Variants in ASCC3 observed in about 807,000 individuals in gnomAD.
The protein encoded by ASCC3 is activating signal cointegrator 1 complex subunit 3, also known as ASC-1 complex subunit P200.
A neutral mutation model predicts 256.3 loss-of-function variants in ASCC3; 158 were observed. That is an observed-to-expected ratio of 0.62 (90% CI 0.54 to 0.70). The LOEUF (loss-of-function observed/expected upper bound fraction) is 0.70. ASCC3 is among the 30% of genes least tolerant of loss of function. The pLI is 0.00. For synonymous variants in ASCC3, 948 were observed against 883.4 expected (o/e 1.07, Z -1.30); for missense variants, 2,259 against 2,626.0 (o/e 0.86, Z 3.05).
intron 36 of ASCC3, among the ~76,000 whole-genome samples, chr6:100,589,047 A>C (rs1771852567): frequency 6.6e-6 from 1 of 152,160 alleles, no homozygotes; most frequent in South Asian, 2.1e-4. Flanking sequence ...ATTATGTAGA[A>C]GGAAAGGTGG....
At chr6:100,771,169 A>C (rs972071413) in intron 8 of ASCC3, among the ~76,000 whole-genome samples, 1 of 152,178 alleles carries the variant, frequency 6.6e-6, no homozygotes, top group Non-Finnish European at 1.5e-5. Flanking sequence ...CTGAAAGGCA[A>C]TGTAGATGAC....
chr6:100,667,178 G>C (rs1776517398), intron 14 of ASCC3, among the ~76,000 whole-genome samples: 1 of 152,182 alleles, frequency 6.6e-6, no homozygotes, highest in South Asian at 2.1e-4. Flanking sequence ...TTCCCTGAAT[G>C]AATGAATCAG....
intron 1 of ASCC3, 105 bp from the exon 2 acceptor site, chr6:100,868,143 A>T: frequency 1.5e-6 from 1 of 673,846 alleles, no homozygotes; most frequent in Non-Finnish European, 2.6e-6. Flanking sequence ...AATTGGTTAA[A>T]AAGCAATTGT....
At chr6:100,766,736 G>A (rs777619062) in intron 9 of ASCC3, 31 bp from the exon 10 acceptor site, 38 of 1,613,464 alleles carry the variant, frequency 2.4e-5, no homozygotes, top group South Asian at 1.1e-5. Context: ...CTTGATTAAT[G>A]AGCAAAAACT....
At chr6:100,767,110 A>T in intron 9 of ASCC3, 35 bp downstream of exon 9, 1 of 1,594,094 alleles carries the variant, frequency 6.3e-7, no homozygotes, top group East Asian at 2.2e-5. Context: ...TATTCCTTAC[A>T]ATTTAAAAAG....
intron 4 of ASCC3, among the ~76,000 whole-genome samples, chr6:100,810,529 C>A (rs937882847): frequency 6.6e-6 from 1 of 151,882 alleles, no homozygotes; most frequent in African/African-American, 2.4e-5. Flanking sequence ...AATTTTTAAC[C>A]CTTAAATAAG....
chr6:100,750,789 A>C (rs138089179), intron 10 of ASCC3, among the ~76,000 whole-genome samples: 117 of 152,112 alleles, frequency 7.7e-4, no homozygotes, highest in African/African-American at 2.6e-3. Context: ...GCCACAGGTA[A>C]AATCTGTAGT....
At chr6:100,670,098 C>T (rs556362521) in intron 14 of ASCC3, among the ~76,000 whole-genome samples, 17 of 151,774 alleles carry the variant, frequency 1.1e-4, no homozygotes, top group South Asian at 2.1e-4. Flanking sequence ...TAGTACACAA[C>T]GGGCCAAGAT....
chr6:100,767,909 C>G (rs1056693720), intron 8 of ASCC3, among the ~76,000 whole-genome samples: 3 of 151,986 alleles, frequency 2.0e-5, no homozygotes, highest in Non-Finnish European at 2.9e-5. Flanking sequence ...AGCCACCGCA[C>G]CCGGCCAGAA....
chr6:100,605,924 G>C (rs1772861593), intron 32 of ASCC3, among the ~76,000 whole-genome samples: 1 of 151,978 alleles, frequency 6.6e-6, no homozygotes, highest in African/African-American at 2.4e-5. Flanking sequence ...GAAAAACTGA[G>C]TCTTTGAAAG....
intron 37 of ASCC3, among the ~76,000 whole-genome samples, chr6:100,534,832 A>G (rs1023244211): frequency 6.6e-6 from 1 of 152,202 alleles, no homozygotes; most frequent in African/African-American, 2.4e-5. Flanking sequence ...TACTACAACT[A>G]TGTTTTTCTT....
At position 100,706,451 on chromosome 6, in the gene ASCC3, C is replaced by T. The variant is rs965680424; in HGVS notation, c.2151+9011G>A. Among the ~76,000 whole-genome samples the T allele has an allele frequency of 2.0e-4, 30 of 151,346 alleles. 1 individual carries two copies. The highest frequency in any genetic ancestry group is 1.2e-4 in the Non-Finnish European group (8 of 67,748). ...GTTAAGGTCAAAGAAAAAAATAATC[C>T]TTTACGAGGTTCCAAGTTCCTGAAA... On this transcript the variant is annotated intron_variant, in intron 13 of 41. Coordinates refer to ENST00000369162, the MANE Select transcript of ASCC3 (RefSeq NM_006828.4).
intron 13 of ASCC3, among the ~76,000 whole-genome samples, chr6:100,686,046 T>C (rs529269609): frequency 7.9e-5 from 12 of 152,344 alleles, no homozygotes; most frequent in African/African-American, 2.6e-4. Flanking sequence ...TCAATGTGTC[T>C]TAAGTAAATA....
chr6:100,608,089 TCTATATACACATA>T (rs1562160984), intron 30 of ASCC3, among the ~76,000 whole-genome samples: 4 of 102,484 alleles, frequency 3.9e-5, no homozygotes, highest in South Asian at 2.6e-4. Flanking sequence ...TGTATATATA[TCTATATACACATA>T]TATATGTATA....
chr6:100,679,211 TAA>T (rs36067632), intron 14 of ASCC3, among the ~76,000 whole-genome samples: 15 of 130,536 alleles, frequency 1.1e-4, no homozygotes, highest in Admixed American at 2.3e-4. Context: ...TTACATTGCT[TAA>T]AAAAAAAAAA....
At chr6:100,736,336 C>G (rs1342133087) in intron 10 of ASCC3, among the ~76,000 whole-genome samples, 1 of 152,064 alleles carries the variant, frequency 6.6e-6, no homozygotes, top group Non-Finnish European at 1.5e-5. Context: ...AACCCCATCT[C>G]TACTAAAAAT....
intron 36 of ASCC3, among the ~76,000 whole-genome samples, chr6:100,588,186 GT>G (rs1771803720): frequency 6.6e-6 from 1 of 152,106 alleles, no homozygotes; most frequent in Non-Finnish European, 1.5e-5. Context: ...CAAATAAGTG[GT>G]TGTTGTGAGG....
chr6:100,574,292 T>C (rs1341912435), intron 36 of ASCC3, among the ~76,000 whole-genome samples: 1 of 152,132 alleles, frequency 6.6e-6, no homozygotes, highest in Non-Finnish European at 1.5e-5. Flanking sequence ...TTATGTACCT[T>C]ACTTTGTAAA....
intron 10 of ASCC3, among the ~76,000 whole-genome samples, chr6:100,742,259 A>AG (rs1780470988): frequency 1.3e-5 from 2 of 152,224 alleles, no homozygotes; most frequent in Admixed American, 6.5e-5. Flanking sequence ...GCTCCATCCC[A>AG]GGGGGTACTG....
Sources: allele counts gnomAD v4.1 joint callset (sites outside exome capture counted in the v4.1 genomes callset), GRCh38; gene constraint gnomAD v4.1.1; transcripts MANE v1.5; gene names NCBI Gene and HGNC (gene_info 2026-07-23, HGNC 2026-07-21).